The following CC2D2B variants were observed in gnomAD, a reference collection of about 807,000 sequenced individuals.
CC2D2B encodes protein CC2D2B.
In CC2D2B, 128 loss-of-function variants were observed where a neutral mutation model predicts 161.2. The ratio of observed to expected loss-of-function variants is 0.79; its 90% CI spans 0.69 to 0.92. The LOEUF (loss-of-function observed/expected upper bound fraction) is 0.92, where lower values mean the gene tolerates loss of function less well. Among genes scored for constraint, CC2D2B ranks in the 40% least tolerant of loss-of-function variants. The pLI is 0.00. For synonymous variants in CC2D2B, 391 were observed against 449.8 expected, an observed-to-expected ratio of 0.87 and a Z score of 1.65; for missense variants, 1,173 against 1,375.1, an observed-to-expected ratio of 0.85 and a Z score of 2.32.
intron 2 of CC2D2B, among the ~76,000 whole-genome samples, chr10:95,913,736 A>G (rs1422697590): frequency 6.6e-6 from 1 of 152,184 alleles, no homozygotes; most frequent in African/African-American, 2.4e-5. Flanking sequence ...GCATCTTTTC[A>G]TATACCTGTT....
intron 33 of CC2D2B, among the ~76,000 whole-genome samples, chr10:96,025,166 T>TATATAAAAAAAAAAA (rs1564683697): frequency 2.0e-4 from 2 of 9,968 alleles, no homozygotes; most frequent in East Asian, 5.0e-3. Flanking sequence ...TATATATATA[T>TATATAAAAAAAAAAA]ATATATATAT....
chr10:96,031,795 A>T, intron 34 of CC2D2B, 25 bp from the exon 35 acceptor site: 1 of 1,596,032 alleles, frequency 6.3e-7, no homozygotes. Context: ...ATGTGGGTTT[A>T]TGTGCTGTTC....
intron 3 of CC2D2B, 104 bp from the exon 4 acceptor site, chr10:95,924,210 T>G (rs2098533928): frequency 9.0e-6 from 5 of 556,870 alleles, no homozygotes; most frequent in Non-Finnish European, 9.3e-6. Context: ...TCATGAGGCT[T>G]AGAAATGCAT....
intron 17 of CC2D2B, among the ~76,000 whole-genome samples, chr10:95,980,209 G>A (rs761690283): frequency 1.3e-5 from 2 of 151,976 alleles, no homozygotes; most frequent in Non-Finnish European, 2.9e-5. Context: ...AAGGGAGGGA[G>A]GGAGGGAAGG....
intron 12 of CC2D2B, among the ~76,000 whole-genome samples, chr10:95,964,518 T>C (rs1012279183): frequency 6.6e-6 from 1 of 152,094 alleles, no homozygotes; most frequent in Non-Finnish European, 1.5e-5. Context: ...CCGAAGAAAA[T>C]AATAATAATA....
At chr10:96,010,999 G>A (rs753087731) in intron 26 of CC2D2B, among the ~76,000 whole-genome samples, 3 of 152,104 alleles carry the variant, frequency 2.0e-5, no homozygotes, top group African/African-American at 4.8e-5. Flanking sequence ...TTAATGGCAC[G>A]AAGTCACCAC....
Position 96,009,917 on chromosome 10 carries a change from A to C in CC2D2B, c.3039A>C (p.Gln1013His). The change falls in exon 26 of 35, where the codon CAA (glutamine) becomes CAC (histidine). Residue 1013 changes from glutamine to histidine, a missense_variant. Gln to His is a conservative substitution (Grantham distance 24, BLOSUM62 0). Around this residue, in one of 3 missense-constraint regions of CC2D2B, gnomAD observed 598 missense variants for 693.2 expected, o/e 0.86. Transcript: ENST00000646931. ...IVFPFSALLQ[Q>H]SEISGTFQVT... The stretch of plus-strand genomic sequence containing the variant: ...TCCCTTTTTCTGCTCTTCTGCAACA[A>C]TCTGAGGTAAGAGAAAATGCTTCTT... The C allele has an allele frequency of 1.3e-6, 2 of 1,598,362 alleles. No individual in the cohort carries two copies. The highest frequency in any genetic ancestry group is 8.6e-7 in the Non-Finnish European group (1 of 1,167,434).
chr10:96,013,718 G>C (rs2079083139), intron 28 of CC2D2B, 70 bp from the exon 29 acceptor site: 8 of 809,802 alleles, frequency 9.9e-6, no homozygotes, highest in South Asian at 1.6e-5. Context: ...AAATGAGAGA[G>C]TGCATGTAAA....
intron 24 of CC2D2B, chr10:95,999,790 T>C (rs187399069): frequency 1.6e-3 from 521 of 325,326 alleles, no homozygotes; most frequent in Non-Finnish European, 2.2e-3. Context: ...CATGACTTTA[T>C]AGGGAGTAGG....
intron 12 of CC2D2B, among the ~76,000 whole-genome samples, chr10:95,965,672 T>A (rs2076915283): frequency 6.6e-6 from 1 of 152,006 alleles, no homozygotes; most frequent in South Asian, 2.1e-4. Context: ...AATGGTAAAT[T>A]TACTGAGTAG....
chr10:95,999,011 G>T (rs756355051), intron 24 of CC2D2B, among the ~76,000 whole-genome samples: 7 of 152,098 alleles, frequency 4.6e-5, no homozygotes, highest in Non-Finnish European at 1.0e-4. Flanking sequence ...AACTCAGGAG[G>T]AGGAGGTTGC....
chr10:96,032,320 C>G lies in CC2D2B; in HGVS notation c.*312C>G, dbSNP rs980572669. On this transcript the variant is annotated 3_prime_UTR_variant, in exon 35 of 35. Coordinates refer to ENST00000646931, the MANE Select transcript of CC2D2B (RefSeq NM_001349008.3). Reference sequence around the variant, plus strand: ...CAATTTTGGCCTCTTCTCCTAAGACCAATGTTTCTCAAATTGTAGAATTCA... The same window carrying G: ...CAATTTTGGCCTCTTCTCCTAAGACGAATGTTTCTCAAATTGTAGAATTCA... 5.2e-5 allele frequency: 13 copies of G among 251,310 alleles called. No individual in the cohort carries two copies. Among genetic ancestry groups the G allele is most frequent in the Non-Finnish European group, 1.0e-4 (13 of 129,720 alleles). 15.6% of individuals were successfully genotyped at this position (251,310 alleles called of 1,614,324 possible). A position where few individuals can be genotyped will look rare whatever the true frequency, so the allele number is the denominator to read the frequency against.
intron 16 of CC2D2B, among the ~76,000 whole-genome samples, chr10:95,973,145 G>A (rs1412765686): frequency 1.3e-5 from 2 of 151,976 alleles, no homozygotes; most frequent in Non-Finnish European, 2.9e-5. Context: ...GCAAGGAGGA[G>A]GGGGCGGGGG....
intron 30 of CC2D2B, chr10:96,018,951 C>T (rs2079329372): frequency 1.0e-5 from 3 of 289,644 alleles, no homozygotes; most frequent in East Asian, 7.8e-5. Context: ...GTGTGTGTGC[C>T]GCTGTGCCCA....
At chr10:95,966,664 G>T (rs549901422) in intron 14 of CC2D2B, among the ~76,000 whole-genome samples, 5 of 151,878 alleles carry the variant, frequency 3.3e-5, no homozygotes, top group African/African-American at 4.8e-5. Flanking sequence ...AGTAATTTTC[G>T]TTCAGGTATA....
At chr10:96,013,170 T>C (rs1350799344) in intron 28 of CC2D2B, among the ~76,000 whole-genome samples, 1 of 152,170 alleles carries the variant, frequency 6.6e-6, no homozygotes, top group Non-Finnish European at 1.5e-5. Flanking sequence ...GTTCATGAAC[T>C]TTCTACGTTA....
chr10:96,004,834 T>C (rs1225575229), intron 25 of CC2D2B, among the ~76,000 whole-genome samples: 1 of 152,216 alleles, frequency 6.6e-6, no homozygotes, highest in East Asian at 1.9e-4. Context: ...GATTAAATGC[T>C]TTAATAGAAA....
intron 24 of CC2D2B, among the ~76,000 whole-genome samples, chr10:95,996,872 G>A (rs184560184): frequency 6.6e-6 from 1 of 152,276 alleles, no homozygotes; most frequent in Admixed American, 6.5e-5. Flanking sequence ...GGTGTTTGAG[G>A]CCATGAGAGC....
intron 30 of CC2D2B, 118 bp from the exon 31 acceptor site, chr10:96,019,085 G>A: frequency 1.3e-6 from 1 of 796,728 alleles, no homozygotes; most frequent in Non-Finnish European, 1.9e-6. Context: ...GGGATTACAG[G>A]TATAAGCCAC....
Sources: allele counts gnomAD v4.1 joint callset (sites outside exome capture counted in the v4.1 genomes callset), GRCh38; gene constraint gnomAD v4.1.1; regional missense constraint gnomAD v4.1.1; transcripts MANE v1.5; gene names NCBI Gene and HGNC (gene_info 2026-07-23, HGNC 2026-07-21).